MAML3: variants seen among roughly 807,000 people sequenced by gnomAD.
The protein encoded by MAML3 is mastermind like transcriptional coactivator 3, also known as mastermind-like protein 3.
Under a neutral mutation model 101.9 loss-of-function variants are expected in MAML3, and 27 were observed. The observed-to-expected ratio is 0.27, with a 90% CI of 0.20 to 0.37. MAML3 has a LOEUF of 0.37. Ranked by LOEUF, MAML3 falls within the 10% of genes least tolerant of loss-of-function variation. MAML3 has a pLI of 1.00. For synonymous variants in MAML3, 501 were observed against 555.9 expected (o/e 0.90, Z 1.39); for missense variants, 1,316 against 1,444.9 (o/e 0.91, Z 1.45).
intron 1 of MAML3, among the ~76,000 whole-genome samples, chr4:140,146,674 G>A (rs1282426025): frequency 1.3e-5 from 2 of 151,996 alleles, no homozygotes; most frequent in Admixed American, 1.3e-4. Flanking sequence ...CTGTAATTTT[G>A]GAGCAGTCAT....
chr4:139,885,932 CAAAAAAA>C (rs1182443191), intron 2 of MAML3, among the ~76,000 whole-genome samples: 63 of 20,294 alleles, frequency 3.1e-3, no homozygotes, highest in African/African-American at 7.7e-3. Flanking sequence ...GACTCCGTCT[CAAAAAAA>C]AAAAAAAAAA....
At chr4:140,144,733 G>T (rs554766109) in intron 1 of MAML3, among the ~76,000 whole-genome samples, 2 of 152,158 alleles carry the variant, frequency 1.3e-5, no homozygotes, top group African/African-American at 4.8e-5. Context: ...GTTCAGAATA[G>T]GTTACTAAAA....
intron 2 of MAML3, among the ~76,000 whole-genome samples, chr4:139,857,596 C>T (rs936315629): frequency 6.6e-6 from 1 of 152,126 alleles, no homozygotes; most frequent in African/African-American, 2.4e-5. Flanking sequence ...GGCCTATGAC[C>T]ACCTCCAGTG....
chr4:139,758,358 G>A (rs1729694268), intron 2 of MAML3, among the ~76,000 whole-genome samples: 1 of 152,208 alleles, frequency 6.6e-6, no homozygotes, highest in Admixed American at 6.5e-5. Flanking sequence ...AAACCAAGGA[G>A]TCACGGTAGA....
At chr4:139,831,949 C>T (rs12643771) in intron 2 of MAML3, among the ~76,000 whole-genome samples, 39,214 of 151,478 alleles carry the variant, frequency 0.26, 6,292 homozygotes, top group East Asian at 0.63. Flanking sequence ...CCCGCCACCA[C>T]GCCCGGCTAA....
At chr4:140,148,266 T>C (rs372208456) in intron 1 of MAML3, among the ~76,000 whole-genome samples, 8 of 152,212 alleles carry the variant, frequency 5.3e-5, no homozygotes, top group African/African-American at 1.7e-4. Context: ...GGAACTCAGC[T>C]TGAAGAGCAT....
chr4:139,899,087 G>A (rs1159286119), intron 1 of MAML3, among the ~76,000 whole-genome samples: 4 of 152,176 alleles, frequency 2.6e-5, no homozygotes, highest in African/African-American at 9.7e-5. Context: ...TAAAGAAACT[G>A]AATAAAAACC....
intron 1 of MAML3, among the ~76,000 whole-genome samples, chr4:140,054,296 G>C (rs1285343861): frequency 6.6e-6 from 1 of 150,430 alleles, no homozygotes; most frequent in Non-Finnish European, 1.5e-5. Context: ...TGGAACCCAG[G>C]AGGAAGAGGC....
intron 1 of MAML3, among the ~76,000 whole-genome samples, chr4:140,046,207 T>C (rs894048815): frequency 6.6e-6 from 1 of 152,300 alleles, no homozygotes; most frequent in African/African-American, 2.4e-5. Context: ...GGACCATTTC[T>C]GGGCAGGGAC....
intron 2 of MAML3, among the ~76,000 whole-genome samples, chr4:139,753,140 T>C (rs1444401974): frequency 1.3e-5 from 2 of 152,204 alleles, no homozygotes; most frequent in African/African-American, 4.8e-5. Context: ...TTTTCCTTCT[T>C]TCCCTTTTCA....
chr4:139,731,684 G>A (rs1202619290), intron 2 of MAML3, among the ~76,000 whole-genome samples: 4 of 152,074 alleles, frequency 2.6e-5, no homozygotes, highest in Non-Finnish European at 5.9e-5. Context: ...TGGGTCTCTT[G>A]ATTCTATAAT....
intron 1 of MAML3, among the ~76,000 whole-genome samples, chr4:140,038,905 C>T (rs1727032179): frequency 6.6e-6 from 1 of 151,984 alleles, no homozygotes; most frequent in Non-Finnish European, 1.5e-5. Flanking sequence ...CTGAGGTGGG[C>T]AGATCACGAG....
At chr4:139,874,668 A>G (rs1732074567) in intron 2 of MAML3, among the ~76,000 whole-genome samples, 1 of 152,208 alleles carries the variant, frequency 6.6e-6, no homozygotes, top group African/African-American at 2.4e-5. Flanking sequence ...AAAAGTACAA[A>G]TCACACGATA....
Position 140,039,800 on chromosome 4 carries a change from C to T in MAML3, c.468+113060G>A, listed in dbSNP as rs1727050705. Among the ~76,000 whole-genome samples, 3 of 152,168 alleles carry T rather than the reference C, an allele frequency of 2.0e-5. No individual in the cohort carries two copies. The South Asian group carries it at 6.2e-4, about 32-fold the overall frequency. ...GGTGCTAGTGCACTGCTGTACAATGCCTGGGATTTTCCTCTTTTACCTTTT... is the reference window on the plus strand; with the variant it reads ...GGTGCTAGTGCACTGCTGTACAATGTCTGGGATTTTCCTCTTTTACCTTTT... On this transcript the variant is annotated intron_variant, in intron 1 of 4. Coordinates refer to ENST00000509479, the MANE Select transcript of MAML3 (RefSeq NM_018717.5).
chr4:139,920,549 T>C (rs535361270), intron 1 of MAML3, among the ~76,000 whole-genome samples: 43 of 152,352 alleles, frequency 2.8e-4, no homozygotes, highest in Non-Finnish European at 5.0e-4. Context: ...ATGAATTACA[T>C]TAAGGGGCCT....
intron 1 of MAML3, among the ~76,000 whole-genome samples, chr4:140,108,982 C>T (rs1458926259): frequency 6.6e-6 from 1 of 152,070 alleles, no homozygotes; most frequent in Non-Finnish European, 1.5e-5. Flanking sequence ...GATATAGAAA[C>T]ATATTTTCCT....
intron 2 of MAML3, among the ~76,000 whole-genome samples, chr4:139,864,674 C>CAAAAAAAAAAAAAA (rs70943450): frequency 2.9e-5 from 2 of 69,498 alleles, no homozygotes; most frequent in African/African-American, 1.4e-4. Flanking sequence ...GGCTCCGTCT[C>CAAAAAAAAAAAAAA]AAAAAAAAAA....
At chr4:140,151,389 G>A (rs1186007737) in intron 1 of MAML3, among the ~76,000 whole-genome samples, 1 of 152,060 alleles carries the variant, frequency 6.6e-6, no homozygotes, top group African/African-American at 2.4e-5. Context: ...CGGGGTGGGG[G>A]GACGTGGGGA....
At chr4:139,931,651 A>G (rs2110729420) in intron 1 of MAML3, among the ~76,000 whole-genome samples, 1 of 152,004 alleles carries the variant, frequency 6.6e-6, no homozygotes, top group Middle Eastern at 3.4e-3. Context: ...AGGCTCAACA[A>G]TCCTCCTGTG....
Sources: allele counts gnomAD v4.1 joint callset (sites outside exome capture counted in the v4.1 genomes callset), GRCh38; gene constraint gnomAD v4.1.1; transcripts MANE v1.5; gene names NCBI Gene and HGNC (gene_info 2026-07-23, HGNC 2026-07-21).